ZCCHC7: variants seen among roughly 807,000 people sequenced by gnomAD.
The protein encoded by ZCCHC7 is zinc finger CCHC-type containing 7, also known as zinc finger CCHC domain-containing protein 7.
In ZCCHC7, 35 loss-of-function variants were observed where a neutral mutation model predicts 52.0. The ratio of observed to expected loss-of-function variants is 0.67; its 90% CI spans 0.51 to 0.89. The LOEUF is 0.89. Ranked by LOEUF, ZCCHC7 falls within the 40% of genes least tolerant of loss-of-function variation. The pLI, the probability that ZCCHC7 is intolerant of heterozygous loss-of-function variation, is 0.00. For synonymous variants in ZCCHC7, 217 were observed against 221.5 expected, an observed-to-expected ratio of 0.98 and a Z score of 0.18; for missense variants, 574 against 649.1, an observed-to-expected ratio of 0.88 and a Z score of 1.26.
intron 2 of ZCCHC7, among the ~76,000 whole-genome samples, chr9:37,150,973 T>G (rs1276287583): frequency 1.3e-4 from 20 of 150,018 alleles, no homozygotes; most frequent in African/African-American, 2.9e-4. Flanking sequence ...TTTGTTTTTT[T>G]TTTTTTTTTG....
At chr9:37,308,939 C>T (rs1309157586) in intron 5 of ZCCHC7, among the ~76,000 whole-genome samples, 2 of 150,334 alleles carry the variant, frequency 1.3e-5, no homozygotes, top group Non-Finnish European at 3.0e-5. Context: ...CAAGATCATG[C>T]CACTGCACTC....
At chr9:37,146,556 A>G (rs1239041472) in intron 2 of ZCCHC7, among the ~76,000 whole-genome samples, 1 of 151,942 alleles carries the variant, frequency 6.6e-6, no homozygotes, top group Non-Finnish European at 1.5e-5. Flanking sequence ...AACGTGTGGT[A>G]GCTGTATTAG....
intron 2 of ZCCHC7, among the ~76,000 whole-genome samples, chr9:37,211,460 A>G (rs1247446224): frequency 6.6e-5 from 10 of 152,176 alleles, no homozygotes; most frequent in Non-Finnish European, 4.4e-5. Context: ...TTCCATCTTT[A>G]TCATCAAATA....
At chr9:37,222,420 A>T (rs1412583527) in intron 2 of ZCCHC7, among the ~76,000 whole-genome samples, 1 of 150,470 alleles carries the variant, frequency 6.6e-6, no homozygotes, top group African/African-American at 2.4e-5. Flanking sequence ...TACAGGTGAG[A>T]TTTTTAATTT....
At chr9:37,341,338 T>G (rs1820626338) in intron 6 of ZCCHC7, among the ~76,000 whole-genome samples, 1 of 152,234 alleles carries the variant, frequency 6.6e-6, no homozygotes, top group African/African-American at 2.4e-5. Context: ...TGCAAGTTTT[T>G]ATTAACAAGA....
intron 2 of ZCCHC7, among the ~76,000 whole-genome samples, chr9:37,217,469 A>G (rs1031038582): frequency 1.3e-5 from 2 of 152,162 alleles, no homozygotes; most frequent in African/African-American, 4.8e-5. Flanking sequence ...TGATAATACA[A>G]AAATAAAACC....
chr9:37,204,745 C>T (rs1823815721), intron 2 of ZCCHC7, among the ~76,000 whole-genome samples: 1 of 152,138 alleles, frequency 6.6e-6, no homozygotes, highest in African/African-American at 2.4e-5. Context: ...TAGCATGATG[C>T]CTCCAGCTTT....
At chr9:37,255,831 G>T (rs1411593676) in intron 2 of ZCCHC7, among the ~76,000 whole-genome samples, 1 of 152,122 alleles carries the variant, frequency 6.6e-6, no homozygotes, top group Non-Finnish European at 1.5e-5. Context: ...TAGAGTGCAA[G>T]AAATGAGAAA....
chr9:37,187,741 A>T (rs1347140752), intron 2 of ZCCHC7, among the ~76,000 whole-genome samples: 1 of 152,122 alleles, frequency 6.6e-6, no homozygotes, highest in Non-Finnish European at 1.5e-5. Flanking sequence ...CAGTTTTATG[A>T]AGTCTTTTTG....
intron 2 of ZCCHC7, among the ~76,000 whole-genome samples, chr9:37,301,088 T>G (rs1180015650): frequency 1.3e-5 from 2 of 152,222 alleles, no homozygotes; most frequent in South Asian, 2.1e-4. Flanking sequence ...AATTTTTTTA[T>G]TGTTATAATG....
chr9:37,255,228 T>C (rs1429619242), intron 2 of ZCCHC7, among the ~76,000 whole-genome samples: 1 of 152,134 alleles, frequency 6.6e-6, no homozygotes, highest in Non-Finnish European at 1.5e-5. Flanking sequence ...AATGTGGCAC[T>C]GTACTCACCC....
intron 8 of ZCCHC7, among the ~76,000 whole-genome samples, chr9:37,356,113 T>C (rs1821685903): frequency 6.6e-6 from 1 of 152,232 alleles, no homozygotes; most frequent in African/African-American, 2.4e-5. Flanking sequence ...ATTTTTATAA[T>C]AAAAGTCTAT....
At chr9:37,276,380 A>G (rs529827264) in intron 2 of ZCCHC7, among the ~76,000 whole-genome samples, 4 of 152,262 alleles carry the variant, frequency 2.6e-5, no homozygotes, top group East Asian at 1.9e-4. Flanking sequence ...CTTTATTTCA[A>G]TGTAGTCAAA....
At chr9:37,212,094 G>GATTTTACC (rs913591192) in intron 2 of ZCCHC7, among the ~76,000 whole-genome samples, 1 of 137,398 alleles carries the variant, frequency 7.3e-6, no homozygotes, top group African/African-American at 2.7e-5. Flanking sequence ...CACTGGGGAT[G>GATTTTACC]ATTTTACCTC....
At chr9:37,146,164 T>C (rs1364105279) in intron 2 of ZCCHC7, among the ~76,000 whole-genome samples, 3 of 151,944 alleles carry the variant, frequency 2.0e-5, no homozygotes, top group Non-Finnish European at 4.4e-5. Context: ...ATCATTGTAT[T>C]AAGTCCTTTG....
At chr9:37,232,734 A>T (rs1008398359) in intron 2 of ZCCHC7, among the ~76,000 whole-genome samples, 12 of 152,358 alleles carry the variant, frequency 7.9e-5, no homozygotes, top group Non-Finnish European at 1.0e-4. Flanking sequence ...ATTGTTGAGC[A>T]ACTTTTTCAT....
intron 5 of ZCCHC7, 45 bp downstream of exon 5, chr9:37,305,759 T>G (rs374784383): frequency 3.8e-6 from 6 of 1,599,000 alleles, no homozygotes; most frequent in Non-Finnish European, 5.1e-6. Context: ...TTGGAGGGAG[T>G]GTGCAAGTTT....
chr9:37,303,655 CTTTTTT>C (rs74182940), intron 3 of ZCCHC7, among the ~76,000 whole-genome samples: 3 of 56,752 alleles, frequency 5.3e-5, no homozygotes, highest in South Asian at 1.6e-3. Flanking sequence ...TTTTCTACCT[CTTTTTT>C]TTTTTTTTTT....
At chr9:37,150,864 A>G (rs552401642) in intron 2 of ZCCHC7, among the ~76,000 whole-genome samples, 64 of 152,264 alleles carry the variant, frequency 4.2e-4, no homozygotes, top group African/African-American at 1.4e-3. Context: ...ATATTTTTCC[A>G]GGTTAGAAAG....
Sources: allele counts gnomAD v4.1 joint callset (sites outside exome capture counted in the v4.1 genomes callset), GRCh38; gene constraint gnomAD v4.1.1; transcripts MANE v1.5; gene names NCBI Gene and HGNC (gene_info 2026-07-23, HGNC 2026-07-21).